ALK: variants seen among roughly 807,000 people sequenced by gnomAD.
ALK encodes ALK tyrosine kinase receptor.
Under a neutral mutation model 163.1 loss-of-function variants are expected in ALK, and 74 were observed. The ratio of observed to expected loss-of-function variants is 0.45; its 90% CI spans 0.38 to 0.55. The LOEUF (loss-of-function observed/expected upper bound fraction) is 0.55. ALK is among the 20% of genes least tolerant of loss of function. The probability of loss-of-function intolerance (pLI) is 0.00; values close to 1 mark genes in which losing one functional copy is unlikely to be tolerated. For missense variants in ALK, 2,063 were observed against 2,105.3 expected, an observed-to-expected ratio of 0.98 and a Z score of 0.39; for synonymous variants, 960 against 843.2, an observed-to-expected ratio of 1.14 and a Z score of -2.40.
chr2:29,839,668 C>T (rs947197421), intron 1 of ALK, among the ~76,000 whole-genome samples: 5 of 152,104 alleles, frequency 3.3e-5, no homozygotes, highest in African/African-American at 4.8e-5. Flanking sequence ...CCTTCTTCTG[C>T]GTTCTCTGGA....
chr2:29,751,926 T>C (rs1279703233), intron 1 of ALK, among the ~76,000 whole-genome samples: 1 of 152,176 alleles, frequency 6.6e-6, no homozygotes, highest in African/African-American at 2.4e-5. Context: ...ATGATAATTG[T>C]AGCTAACATT....
intron 3 of ALK, among the ~76,000 whole-genome samples, chr2:29,662,226 A>G (rs1677370981): frequency 1.3e-5 from 2 of 152,062 alleles, no homozygotes; most frequent in South Asian, 4.1e-4. Context: ...AATATCTTTT[A>G]ATACATATGT....
At chr2:29,629,408 A>G (rs1035296353) in intron 3 of ALK, among the ~76,000 whole-genome samples, 1 of 152,210 alleles carries the variant, frequency 6.6e-6, no homozygotes, top group African/African-American at 2.4e-5. Context: ...ATGAACAGAC[A>G]TACAATGGCC....
At chr2:29,914,403 G>A (rs1296277902) in intron 1 of ALK, among the ~76,000 whole-genome samples, 1 of 152,142 alleles carries the variant, frequency 6.6e-6, no homozygotes. Context: ...AACTCCAGAT[G>A]GCACCATTCA....
intron 5 of ALK, among the ~76,000 whole-genome samples, chr2:29,354,503 G>A (rs965459146): frequency 9.2e-5 from 14 of 152,292 alleles, no homozygotes; most frequent in Non-Finnish European, 1.6e-4. Context: ...GAGAAGGCAG[G>A]AGAGCAGAGC....
At chr2:29,415,700 A>G (rs1669858721) in intron 4 of ALK, among the ~76,000 whole-genome samples, 1 of 152,202 alleles carries the variant, frequency 6.6e-6, no homozygotes, top group South Asian at 2.1e-4. Context: ...GGTGTTTCAT[A>G]AGAGATTAGC....
chr2:29,615,874 G>A (rs1289823197), intron 3 of ALK, among the ~76,000 whole-genome samples: 1 of 152,202 alleles, frequency 6.6e-6, no homozygotes, highest in African/African-American at 2.4e-5. Context: ...TTCACCCCAG[G>A]AAGTCAAATT....
intron 3 of ALK, among the ~76,000 whole-genome samples, chr2:29,623,475 A>ATAGCT (rs1676097553): frequency 2.4e-5 from 1 of 42,212 alleles, no homozygotes; most frequent in Non-Finnish European, 7.0e-5. Context: ...TATGTGAAAT[A>ATAGCT]AAATGATAGC....
intron 4 of ALK, among the ~76,000 whole-genome samples, chr2:29,496,077 G>C (rs1672014307): frequency 6.6e-6 from 1 of 152,092 alleles, no homozygotes; most frequent in Admixed American, 6.5e-5. Flanking sequence ...TCAGTTCTCT[G>C]CTCAGGAATA....
chr2:29,877,189 G>A (rs755618273), intron 1 of ALK, among the ~76,000 whole-genome samples: 36 of 152,216 alleles, frequency 2.4e-4, no homozygotes, highest in Non-Finnish European at 4.1e-4. Context: ...CTGTTTATAA[G>A]TTAAGTTGGA....
At chr2:29,742,411 G>A (rs539808371) in intron 1 of ALK, among the ~76,000 whole-genome samples, 6 of 152,314 alleles carry the variant, frequency 3.9e-5, no homozygotes, top group Non-Finnish European at 5.9e-5. Context: ...GAGAAGAGAT[G>A]GGCGGCCTTG....
At chr2:29,745,553 G>A (rs1407310355) in intron 1 of ALK, among the ~76,000 whole-genome samples, 2 of 152,168 alleles carry the variant, frequency 1.3e-5, no homozygotes, top group African/African-American at 2.4e-5. Context: ...TGGTGAAATC[G>A]TGTCTACCTT....
At chr2:29,760,713 G>T (rs1680676704) in intron 1 of ALK, among the ~76,000 whole-genome samples, 2 of 152,200 alleles carry the variant, frequency 1.3e-5, no homozygotes, top group Non-Finnish European at 2.9e-5. Flanking sequence ...AGACATTATT[G>T]TTGGGATTAC....
intron 8 of ALK, 34 bp from the exon 9 acceptor site, chr2:29,297,091 T>C (rs1485066609): frequency 6.2e-7 from 1 of 1,613,910 alleles, no homozygotes; most frequent in African/African-American, 1.3e-5. Flanking sequence ...GGACAAGGTA[T>C]GATTGCTGAA....
intron 4 of ALK, among the ~76,000 whole-genome samples, chr2:29,428,833 C>A (rs960079728): frequency 1.3e-5 from 2 of 151,980 alleles, no homozygotes; most frequent in Admixed American, 6.5e-5. Flanking sequence ...ATCAATATGT[C>A]TCTTATAGAT....
At chr2:29,850,090 G>C (rs1297765545) in intron 1 of ALK, among the ~76,000 whole-genome samples, 1 of 152,190 alleles carries the variant, frequency 6.6e-6, no homozygotes, top group Admixed American at 6.5e-5. Context: ...ATTGACAGTA[G>C]AACAAGACAA....
chr2:29,906,012 C>A (rs184107356), intron 1 of ALK, among the ~76,000 whole-genome samples: 1 of 152,172 alleles, frequency 6.6e-6, no homozygotes, highest in Non-Finnish European at 1.5e-5. Flanking sequence ...TCTGCCCATG[C>A]CTACCGCTAA....
chr2:29,725,447 C>A (rs1420604662), intron 1 of ALK, among the ~76,000 whole-genome samples: 1 of 152,176 alleles, frequency 6.6e-6, no homozygotes, highest in African/African-American at 2.4e-5. Context: ...GAGCTGGACA[C>A]CAAAGCAGTT....
chr2:29,605,354 G>C (rs1675515189), intron 3 of ALK, among the ~76,000 whole-genome samples: 1 of 152,192 alleles, frequency 6.6e-6, no homozygotes, highest in African/African-American at 2.4e-5. Context: ...ACCAGTATCG[G>C]TCCATGGCCT....
Sources: gnomAD v4.1 joint callset for allele counts (sites outside exome capture counted in the v4.1 genomes callset) on GRCh38, gnomAD v4.1.1 for gene constraint, MANE v1.5 for transcripts, NCBI Gene and HGNC (gene_info 2026-07-23, HGNC 2026-07-21) for gene names.